Variants in CACNB2 observed in about 807,000 individuals in gnomAD.
CACNB2 encodes the protein calcium voltage-gated channel auxiliary subunit beta 2, also known as voltage-dependent L-type calcium channel subunit beta-2.
A neutral mutation model predicts 73.3 loss-of-function variants in CACNB2; 42 were observed. That is an observed-to-expected ratio of 0.57 (90% CI 0.45 to 0.74). The LOEUF (loss-of-function observed/expected upper bound fraction) is 0.74. Among genes scored for constraint, CACNB2 ranks in the 30% least tolerant of loss-of-function variants. CACNB2 has a pLI of 0.00. For synonymous variants in CACNB2, 348 were observed against 310.3 expected (o/e 1.12, Z -1.28); for missense variants, 940 against 853.0 (o/e 1.10, Z -1.27).
intron 3 of CACNB2, among the ~76,000 whole-genome samples, chr10:18,441,233 G>A (rs759471699): frequency 8.6e-5 from 13 of 152,044 alleles, no homozygotes; most frequent in East Asian, 1.9e-4. Context: ...GTGAAACCCC[G>A]TCTCTACTAA....
At chr10:18,491,726 A>G (rs1423216972) in intron 3 of CACNB2, among the ~76,000 whole-genome samples, 1 of 151,648 alleles carries the variant, frequency 6.6e-6, no homozygotes, top group African/African-American at 2.4e-5. Context: ...GAAGATGTCA[A>G]CTTAAAACAG....
intron 3 of CACNB2, among the ~76,000 whole-genome samples, chr10:18,494,830 G>C (rs9943370): frequency 1.7e-3 from 256 of 152,018 alleles, no homozygotes; most frequent in Non-Finnish European, 3.0e-3. Flanking sequence ...GGAGGCTGAG[G>C]GGGGAGGATT....
rs568750232 is a variant in CACNB2 at position 18,542,358 on chromosome 10, A to G, written c.*2634A>G. The G allele has an allele frequency of 6.6e-6, 1 of 152,340 alleles. No individual in the cohort carries two copies. Among genetic ancestry groups the G allele is most frequent in the African/African-American group, 2.4e-5 (1 of 41,584 alleles). The allele number at this position is 152,340 out of a possible 1,614,324, so 9.4% of individuals were successfully genotyped here. ...AATTCTTACATTGGTAGGAAACCATATTCTAATTAAAATTGAATTTATAAA... is the reference window on the plus strand; with the variant it reads ...AATTCTTACATTGGTAGGAAACCATGTTCTAATTAAAATTGAATTTATAAA... On this transcript the variant is annotated 3_prime_UTR_variant, in exon 14 of 14. Transcript: ENST00000324631.
At chr10:18,327,004 C>T (rs1236951662) in intron 2 of CACNB2, among the ~76,000 whole-genome samples, 1 of 152,096 alleles carries the variant, frequency 6.6e-6, no homozygotes, top group African/African-American at 2.4e-5. Context: ...GCTGGGATTA[C>T]AGGCGTGAGT....
At chr10:18,423,132 T>A (rs1470938824) in intron 3 of CACNB2, among the ~76,000 whole-genome samples, 1 of 122,132 alleles carries the variant, frequency 8.2e-6, no homozygotes, top group Non-Finnish European at 1.7e-5. Context: ...GCCATCTTTA[T>A]CCTTTATCTT....
At chr10:18,441,575 A>C (rs1473580682) in intron 3 of CACNB2, among the ~76,000 whole-genome samples, 1 of 152,118 alleles carries the variant, frequency 6.6e-6, no homozygotes, top group Non-Finnish European at 1.5e-5. Context: ...ATAATTGACA[A>C]ATAAAAATTG....
intron 3 of CACNB2, among the ~76,000 whole-genome samples, chr10:18,460,038 T>A (rs1284843531): frequency 6.6e-6 from 1 of 152,174 alleles, no homozygotes; most frequent in Middle Eastern, 3.2e-3. Flanking sequence ...CATATTTGGG[T>A]TTCATTTAAG....
intron 3 of CACNB2, among the ~76,000 whole-genome samples, chr10:18,497,752 A>G (rs1370964588): frequency 6.6e-6 from 1 of 152,182 alleles, no homozygotes; most frequent in African/African-American, 2.4e-5. Flanking sequence ...CAAAGCATCA[A>G]ATAAGGAAAG....
At chr10:18,358,234 G>A (rs565673563) in intron 2 of CACNB2, among the ~76,000 whole-genome samples, 121 of 152,144 alleles carry the variant, frequency 8.0e-4, no homozygotes, top group African/African-American at 2.7e-3. Context: ...CCACAGACAC[G>A]CGCTACCACG....
At chr10:18,210,907 A>G (rs2035291362) in intron 2 of CACNB2, among the ~76,000 whole-genome samples, 1 of 152,200 alleles carries the variant, frequency 6.6e-6, no homozygotes, top group South Asian at 2.1e-4. Context: ...GGGATTATGC[A>G]TTTACCATTT....
intron 2 of CACNB2, among the ~76,000 whole-genome samples, chr10:18,316,448 C>CTT (rs201701984): frequency 1.5e-5 from 2 of 135,280 alleles, no homozygotes; most frequent in African/African-American, 5.5e-5. Context: ...AAAGGTCTTT[C>CTT]TTTTTTTCTT....
At chr10:18,504,821 T>G (rs1032038182) in intron 5 of CACNB2, among the ~76,000 whole-genome samples, 10 of 152,174 alleles carry the variant, frequency 6.6e-5, no homozygotes, top group Admixed American at 1.3e-4. Flanking sequence ...ATTTTTGTAT[T>G]TTTAGTAGAG....
chr10:18,487,680 C>T (rs916698468), intron 3 of CACNB2, among the ~76,000 whole-genome samples: 1 of 151,918 alleles, frequency 6.6e-6, no homozygotes, highest in African/African-American at 2.4e-5. Context: ...GCTAAAAATA[C>T]AAAAATTTGC....
chr10:18,356,942 C>CTTTGTTTTTTT (rs2041935974), intron 2 of CACNB2, among the ~76,000 whole-genome samples: 1 of 101,104 alleles, frequency 9.9e-6, no homozygotes. Flanking sequence ...GACTCAATTT[C>CTTTGTTTTTTT]TTTTTTTTTT....
intron 2 of CACNB2, among the ~76,000 whole-genome samples, chr10:18,240,622 G>A (rs1458005381): frequency 3.3e-5 from 5 of 151,978 alleles, no homozygotes; most frequent in African/African-American, 1.2e-4. Context: ...CCATATCCTG[G>A]CACATTTCTA....
intron 3 of CACNB2, among the ~76,000 whole-genome samples, chr10:18,430,013 T>C (rs1479482179): frequency 6.6e-6 from 1 of 151,920 alleles, no homozygotes; most frequent in African/African-American, 2.4e-5. Context: ...CTTAGCTCCA[T>C]TGCCAGAATT....
intron 2 of CACNB2, among the ~76,000 whole-genome samples, chr10:18,179,032 G>A (rs559255500): frequency 1.3e-5 from 2 of 152,296 alleles, no homozygotes; most frequent in Admixed American, 6.5e-5. Context: ...CTCTGGGTGA[G>A]ATATTCACAT....
chr10:18,218,052 T>C (rs968296275), intron 2 of CACNB2, among the ~76,000 whole-genome samples: 1 of 152,168 alleles, frequency 6.6e-6, no homozygotes, highest in South Asian at 2.1e-4. Flanking sequence ...CAGGACATTC[T>C]AAAGGTTTGG....
intron 2 of CACNB2, among the ~76,000 whole-genome samples, chr10:18,395,421 T>A (rs913487522): frequency 1.3e-5 from 2 of 152,190 alleles, no homozygotes; most frequent in Non-Finnish European, 2.9e-5. Context: ...TTGTCTCTCA[T>A]AGCCGTTATT....
Sources: allele counts gnomAD v4.1 joint callset (sites outside exome capture counted in the v4.1 genomes callset), GRCh38; gene constraint gnomAD v4.1.1; transcripts MANE v1.5; gene names NCBI Gene and HGNC (gene_info 2026-07-23, HGNC 2026-07-21).